Variants in TDRD9 observed in about 807,000 individuals in gnomAD.
The protein encoded by TDRD9 is ATP-dependent RNA helicase TDRD9.
In TDRD9, 124 loss-of-function variants were observed where a neutral mutation model predicts 172.6. That is an observed-to-expected ratio of 0.72 (90% confidence interval 0.62 to 0.83). The LOEUF (loss-of-function observed/expected upper bound fraction) is 0.83, where lower values mean the gene tolerates loss of function less well. Ranked by LOEUF, TDRD9 falls within the 40% of genes least tolerant of loss-of-function variation. TDRD9 has a pLI of 0.00. For missense variants in TDRD9, 1,479 were observed against 1,714.1 expected, an observed-to-expected ratio of 0.86 and a Z score of 2.42; for synonymous variants, 619 against 617.1, an observed-to-expected ratio of 1.00 and a Z score of -0.05.
intron 3 of TDRD9, among the ~76,000 whole-genome samples, chr14:103,964,576 G>A (rs1181759968): frequency 6.6e-6 from 1 of 152,162 alleles, no homozygotes; most frequent in Non-Finnish European, 1.5e-5. Flanking sequence ...CGCCAGGCTG[G>A]AGTGCAGTGG....
At chr14:104,017,545 G>A (rs904412753) in intron 22 of TDRD9, among the ~76,000 whole-genome samples, 39 of 152,346 alleles carry the variant, frequency 2.6e-4, no homozygotes, top group African/African-American at 7.7e-4. Context: ...ACGGAGCCCC[G>A]TGCAGAGCTG....
chr14:103,985,648 T>C (rs1181426394), intron 7 of TDRD9, among the ~76,000 whole-genome samples: 1 of 152,192 alleles, frequency 6.6e-6, no homozygotes, highest in African/African-American at 2.4e-5. Context: ...TTTGCTTTAA[T>C]AGACAATTAA....
rs553676415 is a variant in TDRD9 at position 103,938,134 on chromosome 14, C to T, written c.215+9410C>T. 6.6e-5 allele frequency among the ~76,000 whole-genome samples: 10 copies of T among 151,952 alleles called. No homozygotes were observed. The South Asian group carries it at 1.0e-3, about 16-fold the overall frequency. ...GGTTACGATGAAATGAGAATGCACT[C>T]GTAGTGCTTAGTATGTGCCTGGTGT... On this transcript the variant is annotated intron_variant, in intron 1 of 35. Transcript: ENST00000409874.
rs1206428372 is a variant in TDRD9 at position 104,035,020 on chromosome 14, T to C, written c.3680T>C (p.Leu1227Pro). Residue 1227 changes from leucine to proline, a missense_variant, in exon 32 of 36, where the codon CTC (leucine) becomes CCC (proline). Physicochemically the swap from Leu to Pro is moderately conservative, Grantham distance 98. Around this residue, in one of 3 missense-constraint regions of TDRD9, gnomAD observed 1,413 missense variants for 1,649.1 expected, o/e 0.86. Transcript: ENST00000409874. ...CCTCATATCCCTGGCCTCCCGGCTC[T>C]CCTCAGCATGTTATTCGCACCGGTG... ...LMPHIPGLPA[L>P]LSMLFAPVIE... The C allele has an allele frequency of 1.3e-6, 2 of 1,551,810 alleles. No homozygotes were observed. The highest frequency in any genetic ancestry group is 1.4e-5 in the African/African-American group (1 of 73,160).
intron 1 of TDRD9, among the ~76,000 whole-genome samples, chr14:103,952,215 TATATA>T (rs1295807102): frequency 5.0e-4 from 30 of 59,940 alleles, no homozygotes; most frequent in African/African-American, 1.7e-3. Flanking sequence ...TATATATATA[TATATA>T]TTTTTTTTTT....
In TDRD9 at chr14:104,024,576, G is replaced by A. The variant is rs1401677130; in HGVS notation, c.2614G>A (p.Val872Met). 1.2e-6 allele frequency: 2 copies of A among 1,601,254 alleles called. No homozygotes were observed. The highest frequency in any genetic ancestry group is 2.7e-5 in the African/African-American group (2 of 74,440). The change falls in exon 25 of 36, where the codon GTG (valine) becomes ATG (methionine). Residue 872 changes from valine to methionine, a missense_variant. Transcript: ENST00000409874. ...AAAATTCGTATTATGTAGGGTGAATGTGGACTTCCAGAAGCAGACGGTAGA... is the reference window on the plus strand; with the variant it reads ...AAAATTCGTATTATGTAGGGTGAATATGGACTTCCAGAAGCAGACGGTAGA... The part of the protein sequence containing the change: ...VSKLRNTRVN[V>M]DFQKQTVDPM...
chr14:103,965,478 A>G lies in TDRD9; in HGVS notation c.566A>G (p.Lys189Arg), dbSNP rs1369402871. 6.5e-6 allele frequency: 10 copies of G among 1,540,636 alleles called. No homozygotes were observed. The highest frequency in any genetic ancestry group is 7.9e-6 in the Non-Finnish European group (9 of 1,141,568). The change falls in exon 4 of 36, where the codon AAG (lysine) becomes AGG (arginine). Residue 189 changes from lysine to arginine, a missense_variant. Lys to Arg is a conservative substitution (Grantham distance 26, BLOSUM62 2). Transcript: ENST00000409874. ...AGCATTGTGGTCACCCAGCCCCGGAAGATAGGGGCAAGCAGCATCGCCAGG... is the reference window on the plus strand; with the variant it reads ...AGCATTGTGGTCACCCAGCCCCGGAGGATAGGGGCAAGCAGCATCGCCAGG... ...YCSIVVTQPR[K>R]IGASSIARWI...
chr14:104,046,244 C>CGG (rs2035772736), intron 34 of TDRD9, among the ~76,000 whole-genome samples: 1 of 151,990 alleles, frequency 6.6e-6, no homozygotes, highest in Non-Finnish European at 1.5e-5. Flanking sequence ...GGTGAGCCAC[C>CGG]GCGCCTGGCC....
chr14:103,974,736 G>A (rs1216982169), intron 6 of TDRD9, among the ~76,000 whole-genome samples: 4 of 151,988 alleles, frequency 2.6e-5, no homozygotes, highest in Admixed American at 2.6e-4. Flanking sequence ...GACCTCCTTG[G>A]CTCCAGTGAT....
chr14:104,035,474 G>A (rs1596017189), intron 32 of TDRD9, among the ~76,000 whole-genome samples: 2 of 152,322 alleles, frequency 1.3e-5, no homozygotes, highest in East Asian at 3.9e-4. Flanking sequence ...AAGGCAGATT[G>A]CCCAGCAGAT....
chr14:104,040,170 G>A (rs775573615), intron 32 of TDRD9, 26 bp from the exon 33 acceptor site: 3 of 1,397,206 alleles, frequency 2.1e-6, no homozygotes, highest in Admixed American at 5.7e-5. Flanking sequence ...TGAAATAATG[G>A]ACTCTTCTGA....
At chr14:103,993,676 T>C (rs535302692) in intron 9 of TDRD9, among the ~76,000 whole-genome samples, 2 of 152,236 alleles carry the variant, frequency 1.3e-5, no homozygotes, top group South Asian at 4.1e-4. Flanking sequence ...TGGCATTCTC[T>C]GTTTGTGCCT....
intron 1 of TDRD9, among the ~76,000 whole-genome samples, chr14:103,947,753 A>T (rs2031646851): frequency 6.6e-6 from 1 of 152,248 alleles, no homozygotes; most frequent in Non-Finnish European, 1.5e-5. Flanking sequence ...CAAAAGTAAG[A>T]CCTAAAACTG....
Position 104,026,814 on chromosome 14 carries a change from G to C in TDRD9, c.3157G>C (p.Val1053Leu). 6.2e-7 allele frequency: 1 copy of C among 1,614,048 alleles called. No homozygotes were observed. Among genetic ancestry groups the C allele is most frequent in the South Asian group, 1.1e-5 (1 of 91,084 alleles). ...CACCCTCCTTGTGAAGGTCTTCTCT[G>C]TGGTGCACAGCGTCCTGCACGTGGA... ...GCTLLVKVFS[V>L]VHSVLHVDVY... Residue 1053 changes from valine (V) to leucine (L), a missense_variant, in exon 28 of 36, where the codon GTG (valine) becomes CTG (leucine). Physicochemically the swap from Val to Leu is conservative, Grantham distance 32 (BLOSUM62 1). Around this residue, in one of 3 missense-constraint regions of TDRD9, gnomAD observed 1,413 missense variants for 1,649.1 expected, o/e 0.86. Transcript: ENST00000409874.
At chr14:103,998,862 G>T in intron 13 of TDRD9, 134 bp downstream of exon 13, 2 of 540,942 alleles carry the variant, frequency 3.7e-6, no homozygotes, top group Non-Finnish European at 3.3e-6. Flanking sequence ...GCGCGATCTC[G>T]GTTCACTGCA....
chr14:103,977,444 G>T (rs2033290605), intron 7 of TDRD9, among the ~76,000 whole-genome samples: 1 of 114,956 alleles, frequency 8.7e-6, no homozygotes, highest in Non-Finnish European at 1.6e-5. Flanking sequence ...AGTGAGCCAA[G>T]ATTGCACCAC....
chr14:104,006,433 C>A lies in TDRD9; in HGVS notation c.1758C>A (p.Pro586=), dbSNP rs760622586. 8.7e-6 allele frequency: 14 copies of A among 1,613,892 alleles called. No homozygotes were observed. Among genetic ancestry groups the A allele is most frequent in the Non-Finnish European group, 1.2e-5 (14 of 1,179,836 alleles). The change falls in exon 16 of 36, where the codon CCC becomes CCA. Residue 586 remains proline (P), a synonymous_variant. Transcript: ENST00000409874. ...GTGGGCAGAGAGAAGATGAAAACCC[C>A]CATGATGGTGAATTGACCTTCTTAG... ...AVSGQREDEN[P]HDGELTFLGR...
chr14:103,963,068 C>A lies in TDRD9; in HGVS notation c.323-11C>A. The A allele has an allele frequency of 6.6e-7, 1 of 1,505,986 alleles. No individual in the cohort carries two copies. The allele number at this position is 1,505,986 out of a possible 1,614,324, so 93.3% of individuals were successfully genotyped here. ...AATGGCATTGTATTTGTTTGTTTTG[C>A]CTTAATCCAGGTCCAAGGCCATCTT... On this transcript the variant is annotated splice_polypyrimidine_tract_variant and intron_variant, in intron 2 of 35. Coordinates refer to ENST00000409874, the MANE Select transcript of TDRD9 (RefSeq NM_153046.3).
At chr14:104,023,184 C>CAAAAAAAAAAAAAAAAAA (rs10661391) in intron 24 of TDRD9, among the ~76,000 whole-genome samples, 4 of 64,456 alleles carry the variant, frequency 6.2e-5, no homozygotes, top group African/African-American at 2.9e-4. Flanking sequence ...GACTCCGTCT[C>CAAAAAAAAAAAAAAAAAA]AAAAAAAAAA....
Sources: allele counts gnomAD v4.1 joint callset (sites outside exome capture counted in the v4.1 genomes callset), GRCh38; gene constraint gnomAD v4.1.1; regional missense constraint gnomAD v4.1.1; transcripts MANE v1.5; gene names NCBI Gene and HGNC (gene_info 2026-07-23, HGNC 2026-07-21).